The following LRP1B variants were observed in gnomAD, a reference collection of about 807,000 sequenced individuals.
LRP1B encodes LDL receptor related protein 1B, also known as low-density lipoprotein receptor-related protein 1B.
A neutral mutation model predicts 556.6 loss-of-function variants in LRP1B; 217 were observed. The ratio of observed to expected loss-of-function variants is 0.39; its 90% CI spans 0.35 to 0.44. The LOEUF is 0.44. LRP1B is among the 20% of genes least tolerant of loss of function. The pLI is 1.00. For missense variants in LRP1B, 5,053 were observed against 5,620.8 expected (o/e 0.90, Z 3.23); for synonymous variants, 2,047 against 1,865.8 (o/e 1.10, Z -2.50).
At chr2:141,581,343 T>A (rs971092232) in intron 2 of LRP1B, among the ~76,000 whole-genome samples, 1 of 152,210 alleles carries the variant, frequency 6.6e-6, no homozygotes, top group African/African-American at 2.4e-5. Flanking sequence ...CCAATGACTT[T>A]TCCCATCTCA....
chr2:140,790,939 A>AT (rs1559121175), intron 32 of LRP1B, among the ~76,000 whole-genome samples: 1 of 115,468 alleles, frequency 8.7e-6, no homozygotes, highest in African/African-American at 2.7e-5. Context: ...TGTCTCTACA[A>AT]ATTTTTTTTT....
chr2:141,839,994 T>G (rs1012123799), intron 1 of LRP1B, among the ~76,000 whole-genome samples: 3 of 152,196 alleles, frequency 2.0e-5, no homozygotes, highest in Non-Finnish European at 2.9e-5. Context: ...GAATGAGTTT[T>G]TAATGCCCTC....
In LRP1B at chr2:141,929,761, G is replaced by A. The variant is rs569834674; in HGVS notation, c.83-119360C>T. ...TGCAATTACAGTGTCATCTAAATAT[G>A]TGAAAATGACATTCCTTTTGTTTGT... is the stretch of plus-strand genomic sequence containing the variant. On this transcript the variant is annotated intron_variant, in intron 1 of 90. Coordinates refer to ENST00000389484, the MANE Select transcript of LRP1B (RefSeq NM_018557.3). Among the ~76,000 whole-genome samples the A allele has an allele frequency of 2.6e-5, 4 of 151,944 alleles. No homozygotes were observed. In the East Asian group the frequency reaches 5.8e-4, roughly 22 times the overall value.
At chr2:141,773,321 TG>T (rs542457991) in intron 2 of LRP1B, among the ~76,000 whole-genome samples, 13 of 152,242 alleles carry the variant, frequency 8.5e-5, no homozygotes, top group Non-Finnish European at 1.8e-4. Context: ...TTTAAAATTC[TG>T]GGGAATACAT....
intron 20 of LRP1B, among the ~76,000 whole-genome samples, chr2:140,923,596 C>T (rs1573884168): frequency 6.6e-6 from 1 of 151,862 alleles, no homozygotes; most frequent in African/African-American, 2.4e-5. Context: ...TATTAAGAAG[C>T]AAATAACCAA....
intron 11 of LRP1B, among the ~76,000 whole-genome samples, chr2:141,020,438 G>C (rs780706788): frequency 3.3e-5 from 5 of 151,982 alleles, no homozygotes; most frequent in Non-Finnish European, 7.4e-5. Context: ...TGATAGGAGC[G>C]AAAAAGCTTG....
At chr2:140,829,726 G>A (rs2105072687) in intron 31 of LRP1B, among the ~76,000 whole-genome samples, 1 of 151,570 alleles carries the variant, frequency 6.6e-6, no homozygotes, top group South Asian at 2.1e-4. Flanking sequence ...AGACAAGCAA[G>A]AATAAACCAA....
intron 32 of LRP1B, among the ~76,000 whole-genome samples, chr2:140,784,066 A>C (rs1189719358): frequency 1.3e-5 from 2 of 152,174 alleles, no homozygotes; most frequent in Non-Finnish European, 2.9e-5. Context: ...TCTTCACCTG[A>C]GACAAACATT....
chr2:141,465,696 A>C (rs1682163610), intron 3 of LRP1B, among the ~76,000 whole-genome samples: 1 of 151,410 alleles, frequency 6.6e-6, no homozygotes, highest in South Asian at 2.1e-4. Flanking sequence ...ACTACAGGCA[A>C]GCACCACCAC....
At chr2:141,248,153 C>T (rs546248124) in intron 4 of LRP1B, among the ~76,000 whole-genome samples, 1 of 152,260 alleles carries the variant, frequency 6.6e-6, no homozygotes, top group Non-Finnish European at 1.5e-5. Flanking sequence ...CTCTGGTATC[C>T]AGTTCAAATC....
At chr2:141,733,754 G>T (rs1448784231) in intron 2 of LRP1B, among the ~76,000 whole-genome samples, 1 of 152,096 alleles carries the variant, frequency 6.6e-6, no homozygotes, top group Non-Finnish European at 1.5e-5. Flanking sequence ...CCTACTGCTA[G>T]AATTGGCCTT....
intron 1 of LRP1B, among the ~76,000 whole-genome samples, chr2:141,907,438 T>G (rs1210499138): frequency 6.6e-6 from 1 of 151,992 alleles, no homozygotes; most frequent in Non-Finnish European, 1.5e-5. Flanking sequence ...GCTTTCTAAA[T>G]TTATACCTCC....
chr2:140,490,451 A>T (rs1449652328), intron 57 of LRP1B, among the ~76,000 whole-genome samples: 1 of 152,144 alleles, frequency 6.6e-6, no homozygotes, highest in East Asian at 1.9e-4. Context: ...GTTACTGACT[A>T]CAACAAAGAG....
intron 77 of LRP1B, among the ~76,000 whole-genome samples, chr2:140,346,696 T>C (rs572306088): frequency 7.2e-5 from 11 of 152,038 alleles, no homozygotes; most frequent in Non-Finnish European, 1.5e-4. Context: ...TGCACACCTA[T>C]GCACTTTGTG....
chr2:141,875,701 C>T (rs906288349), intron 1 of LRP1B, among the ~76,000 whole-genome samples: 1 of 151,864 alleles, frequency 6.6e-6, no homozygotes, highest in Non-Finnish European at 1.5e-5. Flanking sequence ...GTAAGTTCCC[C>T]CACAAGGGTA....
chr2:141,352,537 T>G (rs1459640047), intron 3 of LRP1B, among the ~76,000 whole-genome samples: 1 of 151,954 alleles, frequency 6.6e-6, no homozygotes, highest in African/African-American at 2.4e-5. Flanking sequence ...TGCTGGTCTA[T>G]CTAACTGATG....
In LRP1B at chr2:140,598,744, C is replaced by G. The variant is rs2105189107; in HGVS notation, c.7081G>C (p.Asp2361His). The G allele has an allele frequency of 6.2e-7, 1 of 1,612,920 alleles. No individual in the cohort carries two copies. Among genetic ancestry groups the G allele is most frequent in the Non-Finnish European group, 8.5e-7 (1 of 1,179,050 alleles). Residue 2361 changes from aspartate (D) to histidine (H), a missense_variant, in exon 43 of 91, where the codon GAC becomes CAC. Physicochemically the swap from Asp to His is moderately conservative, Grantham distance 81. Transcript: ENST00000389484. ...GKNAQVVVSTDILTPNGLTID... is the reference protein window; with the variant it reads ...GKNAQVVVSTHILTPNGLTID... ...GTAAGTCCATTTGGAGTGAGTATGT[C>G]TGTACTGACCACCACTTGAGCATTT...
At chr2:141,116,709 G>A (rs1700908004) in intron 7 of LRP1B, among the ~76,000 whole-genome samples, 1 of 141,392 alleles carries the variant, frequency 7.1e-6, no homozygotes, top group South Asian at 2.4e-4. Context: ...AGTAATACAG[G>A]CAGGAACAGA....
At position 140,536,852 on chromosome 2, in the gene LRP1B, C is replaced by T. The variant is rs544395213; in HGVS notation, c.7514-143G>A. 63 of 705,544 alleles carry T rather than the reference C, an allele frequency of 8.9e-5. No homozygotes were observed. The East Asian group carries it at 1.8e-3, about 20-fold the overall frequency. 43.7% of individuals were successfully genotyped at this position (705,544 alleles called of 1,614,324 possible). ...ACAATTAAAGAGCAATGGTTTATGACATTTCTTTATGAAATTAAGATCTTA... is the reference window on the plus strand; with the variant it reads ...ACAATTAAAGAGCAATGGTTTATGATATTTCTTTATGAAATTAAGATCTTA... On this transcript the variant is annotated intron_variant, in intron 45 of 90. Transcript: ENST00000389484.
Sources: gnomAD v4.1 joint callset for allele counts (sites outside exome capture counted in the v4.1 genomes callset) on GRCh38, gnomAD v4.1.1 for gene constraint, MANE v1.5 for transcripts, NCBI Gene and HGNC (gene_info 2026-07-23, HGNC 2026-07-21) for gene names.